Variants in KLHL32 observed in about 807,000 individuals in gnomAD.
The protein encoded by KLHL32 is kelch-like protein 32.
Under a neutral mutation model 64.8 loss-of-function variants are expected in KLHL32, and 35 were observed. The ratio of observed to expected loss-of-function variants is 0.54; its 90% CI spans 0.41 to 0.72. The LOEUF (loss-of-function observed/expected upper bound fraction) is 0.72. Among genes scored for constraint, KLHL32 ranks in the 30% least tolerant of loss-of-function variants. KLHL32 has a pLI of 0.00. For missense variants in KLHL32, 589 were observed against 768.5 expected (o/e 0.77, Z 2.76); for synonymous variants, 259 against 281.0 (o/e 0.92, Z 0.78).
chr6:97,081,873 G>A (rs993535248), intron 5 of KLHL32, among the ~76,000 whole-genome samples: 8 of 152,178 alleles, frequency 5.3e-5, no homozygotes, highest in Non-Finnish European at 1.0e-4. Context: ...GGCACATGGT[G>A]TGAATGTGTA....
At chr6:97,102,404 A>G (rs945899962) in intron 6 of KLHL32, among the ~76,000 whole-genome samples, 1 of 152,166 alleles carries the variant, frequency 6.6e-6, no homozygotes, top group Non-Finnish European at 1.5e-5. Context: ...TTTATTGACC[A>G]AATTGGTTTT....
chr6:97,139,448 C>T lies in KLHL32; in HGVS notation c.*166C>T, dbSNP rs1395731531. 6 of 610,306 alleles carry T rather than the reference C, an allele frequency of 9.8e-6. No individual in the cohort carries two copies. The highest frequency in any genetic ancestry group is 1.7e-5 in the Non-Finnish European group (6 of 353,742). 37.8% of individuals were successfully genotyped at this position (610,306 alleles called of 1,614,324 possible). ...TTTCTAAAATACGTTATTGAAAACT[C>T]GTCACCCTTCTCAGTGTATGTCAAC... On this transcript the variant is annotated 3_prime_UTR_variant, in exon 11 of 11. Coordinates refer to ENST00000369261, the MANE Select transcript of KLHL32 (RefSeq NM_052904.4).
intron 4 of KLHL32, among the ~76,000 whole-genome samples, chr6:97,042,623 TA>T (rs1380541572): frequency 6.6e-6 from 1 of 152,002 alleles, no homozygotes; most frequent in African/African-American, 2.4e-5. Context: ...CCTACCTACC[TA>T]TTTTTTTTGT....
intron 1 of KLHL32, among the ~76,000 whole-genome samples, chr6:96,957,823 T>G (rs1342463149): frequency 6.6e-6 from 1 of 152,234 alleles, no homozygotes; most frequent in African/African-American, 2.4e-5. Flanking sequence ...TTATCCTTAT[T>G]CTTATATAAA....
chr6:96,950,434 T>C (rs569796996), intron 1 of KLHL32, among the ~76,000 whole-genome samples: 3 of 152,202 alleles, frequency 2.0e-5, no homozygotes, highest in South Asian at 2.1e-4. Flanking sequence ...TTCTTTCTTC[T>C]ACCTTACATC....
the KLHL32 span, among the ~76,000 whole-genome samples, chr6:96,913,003 T>C: frequency 2.6e-5 from 4 of 152,226 alleles, no homozygotes; most frequent in African/African-American, 9.6e-5. Flanking sequence ...TCTGAATGAA[T>C]ATAGATGCAA....
In KLHL32 at chr6:96,942,805, C is replaced by T. The variant is rs369562307; in HGVS notation, c.-66+17779C>T. Among the ~76,000 whole-genome samples, 5 of 152,064 alleles carry T rather than the reference C, an allele frequency of 3.3e-5. No homozygotes were observed. In the East Asian group the frequency reaches 7.7e-4, roughly 24 times the overall value. ...CAGGTTATTCTGATGCCACCACCTC[C>T]CTTTCTACCTCCATCTCTAGTTTTT... On this transcript the variant is annotated intron_variant, in intron 1 of 10. Transcript: ENST00000369261.
At chr6:97,015,093 C>T (rs1282895923) in intron 3 of KLHL32, among the ~76,000 whole-genome samples, 1 of 152,162 alleles carries the variant, frequency 6.6e-6, no homozygotes, top group Non-Finnish European at 1.5e-5. Context: ...AAGGTCCTTG[C>T]TTGCCCCTTG....
intron 8 of KLHL32, 149 bp from the exon 9 acceptor site, chr6:97,130,608 C>A: frequency 5.2e-6 from 3 of 572,768 alleles, no homozygotes; most frequent in Admixed American, 3.5e-5. Flanking sequence ...GAAGCCCATA[C>A]CTTTCAATAT....
intron 3 of KLHL32, among the ~76,000 whole-genome samples, chr6:96,983,149 T>C (rs1776540084): frequency 6.6e-6 from 1 of 152,290 alleles, no homozygotes; most frequent in Non-Finnish European, 1.5e-5. Context: ...ATGTGGTTTT[T>C]GTCATTGGTT....
chr6:96,917,595 C>A, the KLHL32 span, among the ~76,000 whole-genome samples: 1 of 152,128 alleles, frequency 6.6e-6, no homozygotes, highest in Non-Finnish European at 1.5e-5. Flanking sequence ...AGGAGGCAAT[C>A]CTATCATTAA....
At chr6:96,949,674 TC>T (rs1258369762) in intron 1 of KLHL32, among the ~76,000 whole-genome samples, 1 of 152,198 alleles carries the variant, frequency 6.6e-6, no homozygotes, top group East Asian at 1.9e-4. Context: ...TCTTCAGAGT[TC>T]CCTGGTGAGA....
chr6:97,073,583 G>A (rs1393245302), intron 5 of KLHL32, among the ~76,000 whole-genome samples: 1 of 152,096 alleles, frequency 6.6e-6, no homozygotes, highest in East Asian at 1.9e-4. Flanking sequence ...TCTAGTTCTA[G>A]TGCATGGTGG....
intron 1 of KLHL32, among the ~76,000 whole-genome samples, chr6:96,955,365 C>T (rs1773129237): frequency 6.6e-6 from 1 of 152,104 alleles, no homozygotes; most frequent in Admixed American, 6.5e-5. Flanking sequence ...TATTATGCAT[C>T]CAACTGTTCT....
At chr6:97,072,994 T>G (rs1338286594) in intron 5 of KLHL32, among the ~76,000 whole-genome samples, 1 of 152,210 alleles carries the variant, frequency 6.6e-6, no homozygotes, top group Non-Finnish European at 1.5e-5. Context: ...CTTTTAGGGA[T>G]GTTGAAGGAT....
At chr6:97,112,551 A>G (rs1267480580) in intron 6 of KLHL32, among the ~76,000 whole-genome samples, 3 of 151,862 alleles carry the variant, frequency 2.0e-5, no homozygotes, top group Non-Finnish European at 4.4e-5. Flanking sequence ...GGTTCAAGCA[A>G]TTCTCCTGCC....
At chr6:97,125,545 G>T (rs1284384314) in intron 7 of KLHL32, among the ~76,000 whole-genome samples, 6 of 152,200 alleles carry the variant, frequency 3.9e-5, no homozygotes, top group Non-Finnish European at 7.3e-5. Context: ...AAGCACTGGG[G>T]TGATTTAGTA....
chr6:96,982,538 T>C (rs1776444001), intron 3 of KLHL32, among the ~76,000 whole-genome samples: 1 of 152,220 alleles, frequency 6.6e-6, no homozygotes, highest in East Asian at 1.9e-4. Flanking sequence ...GGCATTTAGT[T>C]CATTTGCATT....
the KLHL32 span, among the ~76,000 whole-genome samples, chr6:96,919,360 G>A: frequency 6.6e-6 from 1 of 152,296 alleles, no homozygotes; most frequent in Admixed American, 6.5e-5. Flanking sequence ...TATGATTAAA[G>A]AGAACGGGAA....
Sources: gnomAD v4.1 joint callset for allele counts (sites outside exome capture counted in the v4.1 genomes callset) on GRCh38, gnomAD v4.1.1 for gene constraint, MANE v1.5 for transcripts, NCBI Gene and HGNC (gene_info 2026-07-23, HGNC 2026-07-21) for gene names.